The following MGAT5B variants were observed in gnomAD, a reference collection of about 807,000 sequenced individuals.
MGAT5B encodes alpha-1,6-mannosylglycoprotein 6-beta-N-acetylglucosaminyltransferase B, also known as N-acetylglucosaminyl-transferase Vb.
Under a neutral mutation model 95.1 loss-of-function variants are expected in MGAT5B, and 54 were observed. The ratio of observed to expected loss-of-function variants is 0.57; its 90% CI spans 0.46 to 0.71. The LOEUF is 0.71. Ranked by LOEUF, MGAT5B falls within the 30% of genes least tolerant of loss-of-function variation. The probability of loss-of-function intolerance (pLI) is 0.00; values close to 1 mark genes in which losing one functional copy is unlikely to be tolerated. For missense variants in MGAT5B, 935 were observed against 1,088.6 expected, an observed-to-expected ratio of 0.86 and a Z score of 1.99; for synonymous variants, 464 against 451.0, an observed-to-expected ratio of 1.03 and a Z score of -0.36.
rs528797957 is a variant in MGAT5B, at chr17:76,932,783, C to T, written c.1422+8C>T. 5.6e-6 allele frequency: 9 copies of T among 1,612,946 alleles called. No individual in the cohort carries two copies. Among genetic ancestry groups the T allele is most frequent in the Middle Eastern group, 1.7e-4 (1 of 6,048 alleles). On this transcript the variant is annotated splice_region_variant and intron_variant, in intron 11 of 17. Transcript: ENST00000569840. ...GAGGCGAGCATCTGGAAGGTGAGCG[C>T]GGCCCCTGCGCGCGGGAAGCACCAG...
At chr17:76,882,052 A>T (rs1598896948) in intron 2 of MGAT5B, 99 bp from the exon 3 acceptor site, 1 of 1,272,748 alleles carries the variant, frequency 7.9e-7, no homozygotes. Context: ...GTGCTGGGGG[A>T]CTTTGGGGCC....
chr17:76,930,930 G>A lies in MGAT5B; in HGVS notation c.1292-1715G>A, dbSNP rs1371552961. Among the ~76,000 whole-genome samples the A allele has an allele frequency of 1.3e-5, 2 of 152,176 alleles. No individual in the cohort carries two copies. The highest frequency in any genetic ancestry group is 4.8e-5 in the African/African-American group (2 of 41,436). ...GGAGGAGGGCAGTGCAGGCCGAGGG[G>A]ACAGCAGCAGGGGCAACGCTTGGAG... On this transcript the variant is annotated intron_variant, in intron 10 of 17. Coordinates refer to ENST00000569840, the MANE Select transcript of MGAT5B (RefSeq NM_001199172.2). The surrounding 1 kb of genome is among the most constrained non-coding windows in gnomAD (Gnocchi z 4.1).
chr17:76,936,650 G>GT (rs757945774), intron 12 of MGAT5B, among the ~76,000 whole-genome samples: 4 of 152,052 alleles, frequency 2.6e-5, no homozygotes, highest in Non-Finnish European at 5.9e-5. Context: ...GTTCTTTTAC[G>GT]TTTTTGCGTG....
In MGAT5B at chr17:76,872,878, C is replaced by T. The variant is rs200892664; in HGVS notation, c.96C>T (p.Phe32=). Residue 32 remains phenylalanine (F), a synonymous_variant, in exon 2 of 18, where the codon TTC becomes TTT. Coordinates refer to ENST00000569840, the MANE Select transcript of MGAT5B (RefSeq NM_001199172.2). ...TTTTTGTCCTGGGCATCGGCTTCTT[C>T]ACTCTCTGCTTCCTGATGACGTCTC... The part of the protein sequence containing the change: ...FRLFVLGIGF[F]TLCFLMTSLG... 126 of 1,614,250 alleles carry T rather than the reference C, an allele frequency of 7.8e-5. No homozygotes were observed. In the African/African-American group the frequency reaches 1.5e-3, roughly 20 times the overall value.
intron 3 of MGAT5B, among the ~76,000 whole-genome samples, chr17:76,897,916 C>T (rs747750416): frequency 6.6e-6 from 1 of 151,426 alleles, no homozygotes; most frequent in Non-Finnish European, 1.5e-5. Context: ...ATTAGCCAGG[C>T]ATGGTGGCAC....
At position 76,925,008 on chromosome 17, in the gene MGAT5B, C is replaced by A. The variant is rs906653654; in HGVS notation, c.1068C>A (p.Thr356=). The change falls in exon 9 of 18, where the codon ACC becomes ACA. Residue 356 remains threonine (T), a synonymous_variant. Coordinates refer to ENST00000569840, the MANE Select transcript of MGAT5B (RefSeq NM_001199172.2). ...VPPGRGSCPL[T]MPLPFDLIYT... The stretch of plus-strand genomic sequence containing the variant: ...CAGGCCGGGGAAGCTGCCCGCTCAC[C>A]ATGCCCCTGCCCTTCGACCTCATCT... 2 of 1,604,594 alleles carry A rather than the reference C, an allele frequency of 1.2e-6. No individual in the cohort carries two copies. Among genetic ancestry groups the A allele is most frequent in the Non-Finnish European group, 1.7e-6 (2 of 1,175,814 alleles).
chr17:76,916,919 G>A lies in MGAT5B; in HGVS notation c.1026-8047G>A, dbSNP rs1968959045. 6.6e-6 allele frequency among the ~76,000 whole-genome samples: 1 copy of A among 152,170 alleles called. No individual in the cohort carries two copies. The highest frequency in any genetic ancestry group is 6.5e-5 in the Admixed American group (1 of 15,284). ...CCCACGGGAAGGGTCAAACTCAGGG[G>A]TTCCCGCCTCTTAGAAACTGGGGCC... On this transcript the variant is annotated intron_variant, in intron 8 of 17. Transcript: ENST00000569840. The surrounding 1 kb of genome is among the most constrained non-coding windows in gnomAD (Gnocchi z 5.3).
At position 76,901,899 on chromosome 17, in the gene MGAT5B, T is replaced by C. The variant is rs75530644; in HGVS notation, c.330-656T>C. Among the ~76,000 whole-genome samples, 628 of 152,388 alleles carry C rather than the reference T, an allele frequency of 4.1e-3. 5 individuals carry two copies. Among genetic ancestry groups the C allele is most frequent in the African/African-American group, 0.015 (604 of 41,596 alleles). On this transcript the variant is annotated intron_variant, in intron 3 of 17. Coordinates refer to ENST00000569840, the MANE Select transcript of MGAT5B (RefSeq NM_001199172.2). ...AATTCCTCTGCCTGTTTCAGCCCCATGCACTGCCCTTCAGCACACATGCAG... is the reference window on the plus strand; with the variant it reads ...AATTCCTCTGCCTGTTTCAGCCCCACGCACTGCCCTTCAGCACACATGCAG...
At chr17:76,946,353 G>T in intron 15 of MGAT5B, 23 bp from the exon 16 acceptor site, 1 of 1,598,358 alleles carries the variant, frequency 6.3e-7, no homozygotes, top group Non-Finnish European at 8.5e-7. Flanking sequence ...CCCGCCCCAT[G>T]TGTCTGCCCA....
At chr17:76,945,662 A>G (rs1255205477) in intron 15 of MGAT5B, among the ~76,000 whole-genome samples, 1 of 152,156 alleles carries the variant, frequency 6.6e-6, no homozygotes, top group Non-Finnish European at 1.5e-5. Context: ...AGGGTACTTT[A>G]CAAATGTCAT....
chr17:76,874,393 G>A (rs908374169), intron 2 of MGAT5B, among the ~76,000 whole-genome samples: 2 of 152,088 alleles, frequency 1.3e-5, no homozygotes, highest in African/African-American at 4.8e-5. Flanking sequence ...GAGAGGCTGA[G>A]GATTGAGGTG....
rs145589945 is a variant in MGAT5B at position 76,947,941 on chromosome 17, G to A, written c.2035G>A (p.Ala679Thr). ...HLEWARNTSL[A>T]PGAWPPAHAL... Reference sequence around the variant, plus strand: ...CGAGTGGGCTCGGAACACCAGCTTGGCTCCTGGGGCCTGGCCCCCCGCGCA... The same window carrying A: ...CGAGTGGGCTCGGAACACCAGCTTGACTCCTGGGGCCTGGCCCCCCGCGCA... The change falls in exon 17 of 18, where the codon GCT becomes ACT. Residue 679 changes from alanine to threonine, a missense_variant. Physicochemically the swap from Ala to Thr is moderately conservative, Grantham distance 58. Coordinates refer to ENST00000569840, the MANE Select transcript of MGAT5B (RefSeq NM_001199172.2). The A allele has an allele frequency of 9.0e-5, 145 of 1,612,898 alleles. No homozygotes were observed. In the African/African-American group the frequency reaches 1.8e-3, roughly 20 times the overall value.
intron 8 of MGAT5B, among the ~76,000 whole-genome samples, chr17:76,910,005 C>T (rs1968672658): frequency 6.6e-6 from 1 of 152,220 alleles, no homozygotes; most frequent in East Asian, 1.9e-4. Flanking sequence ...AAGCACTGTC[C>T]AAGTCGGGGG....
chr17:76,917,775 C>T lies in MGAT5B; in HGVS notation c.1026-7191C>T, dbSNP rs757025847. 6.6e-5 allele frequency among the ~76,000 whole-genome samples: 10 copies of T among 152,158 alleles called. No individual in the cohort carries two copies. Among genetic ancestry groups the T allele is most frequent in the Non-Finnish European group, 1.5e-4 (10 of 68,038 alleles). ...GAGCCCCTGGCACACAGGAGTCACC[C>T]GAGGAGCTGAAAATAATCCCCGACG... On this transcript the variant is annotated intron_variant, in intron 8 of 17. Coordinates refer to ENST00000569840, the MANE Select transcript of MGAT5B (RefSeq NM_001199172.2). This position sits in a 1 kb window ranked among gnomAD's most constrained non-coding sequence, Gnocchi z 6.1.
intron 2 of MGAT5B, among the ~76,000 whole-genome samples, chr17:76,877,329 T>TAAAAAAAA (rs34612127): frequency 1.8e-5 from 2 of 111,230 alleles, no homozygotes; most frequent in Non-Finnish European, 3.6e-5. Flanking sequence ...TGTCTCGGCT[T>TAAAAAAAA]AAAAAAAAAA....
intron 3 of MGAT5B, among the ~76,000 whole-genome samples, chr17:76,890,196 T>G (rs1028847304): frequency 2.6e-5 from 4 of 152,204 alleles, no homozygotes; most frequent in African/African-American, 9.7e-5. Context: ...TGCAGTCCTG[T>G]CCTCGGTCCC....
chr17:76,877,252 G>A (rs1967225181), intron 2 of MGAT5B, among the ~76,000 whole-genome samples: 1 of 151,460 alleles, frequency 6.6e-6, no homozygotes, highest in African/African-American at 2.4e-5. Flanking sequence ...TTGAACCAGG[G>A]AGGAGGAGGT....
chr17:76,949,497 T>TAATGATACGG lies in MGAT5B; in HGVS notation c.*659_*660insAATGATACGG. The TAATGATACGG allele has an allele frequency of 7.3e-6, 1 of 136,696 alleles. No homozygotes were observed. Among genetic ancestry groups the TAATGATACGG allele is most frequent in the Non-Finnish European group, 1.6e-5 (1 of 61,586 alleles). The allele number at this position is 136,696 out of a possible 1,614,324, so 8.5% of individuals were successfully genotyped here. On this transcript the variant is annotated 3_prime_UTR_variant, in exon 18 of 18. Transcript: ENST00000569840. ...GTCCCTTCCCTCCCGATTTCCCGAT[T>TAATGATACGG]CCCCCACCCTCCCTCTACACTTGAG...
rs1241006771 is a variant in MGAT5B at position 76,915,336 on chromosome 17, G to A, written c.1025+9149G>A. Among the ~76,000 whole-genome samples, 1 of 146,872 alleles carries A rather than the reference G, an allele frequency of 6.8e-6. No individual in the cohort carries two copies. ...TACTGTAAATGCAGCGGGGTGGGGG[G>A]CCTGGGCTGGGGGCCGGGGATCGGG... On this transcript the variant is annotated intron_variant, in intron 8 of 17. Transcript: ENST00000569840. The surrounding 1 kb of genome is among the most constrained non-coding windows in gnomAD (Gnocchi z 8.7).
Sources: gnomAD v4.1 joint callset for allele counts (sites outside exome capture counted in the v4.1 genomes callset) on GRCh38, gnomAD v4.1.1 for gene constraint, Gnocchi (gnomAD v3.1) non-coding constraint, MANE v1.5 for transcripts, NCBI Gene and HGNC (gene_info 2026-07-23, HGNC 2026-07-21) for gene names.